The following CEP63 variants were observed in gnomAD, a reference collection of about 807,000 sequenced individuals.
The protein encoded by CEP63 is centrosomal protein of 63 kDa.
CEP63 carries 84 observed loss-of-function variants against 89.1 expected under a neutral mutation model. That is an observed-to-expected ratio of 0.94 (90% CI 0.79 to 1.13). The LOEUF (loss-of-function observed/expected upper bound fraction) is 1.13. Ranked by LOEUF, CEP63 falls within the 50% of genes most tolerant of loss-of-function variation. The probability of loss-of-function intolerance (pLI) is 0.00; values close to 1 mark genes in which losing one functional copy is unlikely to be tolerated. For synonymous variants in CEP63, 267 were observed against 272.5 expected (o/e 0.98, Z 0.20); for missense variants, 838 against 813.3 (o/e 1.03, Z -0.37).
chr3:134,751,728 G>C, the CEP63 span, among the ~76,000 whole-genome samples: 68 of 152,320 alleles, frequency 4.5e-4, no homozygotes, highest in South Asian at 5.2e-3. Context: ...GCTAGAGACC[G>C]AAGTGGCTCA....
intron 10 of CEP63, among the ~76,000 whole-genome samples, chr3:134,584,965 T>TTTTGTTTTG (rs764613716): frequency 0.68 from 92,164 of 134,792 alleles, 33,872 homozygotes; most frequent in East Asian, 0.84. Context: ...GGTTTTTTTT[T>TTTTGTTTTG]TTTTTTTTTG....
At chr3:134,685,986 C>A in the CEP63 span, among the ~76,000 whole-genome samples, 4 of 152,206 alleles carry the variant, frequency 2.6e-5, no homozygotes, top group African/African-American at 9.6e-5. Flanking sequence ...AATTCTCAAA[C>A]ACTGACTTGC....
At chr3:134,515,678 A>G (rs1024004458) in intron 3 of CEP63, among the ~76,000 whole-genome samples, 1 of 152,212 alleles carries the variant, frequency 6.6e-6, no homozygotes, top group Non-Finnish European at 1.5e-5. Flanking sequence ...TAGCTATTAA[A>G]TATAGGTCCT....
At chr3:134,758,552 G>T in the CEP63 span, among the ~76,000 whole-genome samples, 1 of 152,200 alleles carries the variant, frequency 6.6e-6, no homozygotes, top group Non-Finnish European at 1.5e-5. Flanking sequence ...AGAAACCTAA[G>T]TAAGGCCTAA....
At chr3:134,693,118 A>C in the CEP63 span, among the ~76,000 whole-genome samples, 1 of 152,180 alleles carries the variant, frequency 6.6e-6, no homozygotes, top group African/African-American at 2.4e-5. Flanking sequence ...GGTGTTTCCA[A>C]GCGTCCCTTG....
chr3:134,552,004 T>G lies in CEP63; in HGVS notation c.1459T>G (p.Leu487Val). The G allele has an allele frequency of 6.3e-7, 1 of 1,581,890 alleles. No individual in the cohort carries two copies. The highest frequency in any genetic ancestry group is 8.7e-7 in the Non-Finnish European group (1 of 1,153,232). Residue 487 changes from leucine to valine, a missense_variant, in exon 12 of 15, where the codon TTA becomes GTA. By Grantham distance (32) the Leu-to-Val change is conservative. Coordinates refer to ENST00000675561, the MANE Select transcript of CEP63 (RefSeq NM_001353108.3). Reference sequence around the variant, plus strand: ...AATGGTGATGAAATTGGAATTGGGTTTACATGAGGTACATAAATAGAAACT... The same window carrying G: ...AATGGTGATGAAATTGGAATTGGGTGTACATGAGGTACATAAATAGAAACT... ...SEMVMKLELG[L>V]HEAKEISLAD...
At chr3:134,707,874 A>G in the CEP63 span, among the ~76,000 whole-genome samples, 37 of 151,678 alleles carry the variant, frequency 2.4e-4, no homozygotes, top group Non-Finnish European at 4.0e-4. Context: ...GGTGAGCTCA[A>G]GTCTTCCCAA....
the CEP63 span, among the ~76,000 whole-genome samples, chr3:134,680,304 C>T: frequency 1.3e-5 from 2 of 152,206 alleles, no homozygotes; most frequent in Non-Finnish European, 2.9e-5. Context: ...TGTGACCATT[C>T]ACTTATGTTC....
At chr3:134,681,907 G>C in the CEP63 span, among the ~76,000 whole-genome samples, 1 of 152,206 alleles carries the variant, frequency 6.6e-6, no homozygotes, top group Admixed American at 6.5e-5. Flanking sequence ...AAGTCAACCA[G>C]CTAACAAACA....
chr3:134,677,782 A>G, the CEP63 span, among the ~76,000 whole-genome samples: 1 of 151,910 alleles, frequency 6.6e-6, no homozygotes, highest in African/African-American at 2.4e-5. Flanking sequence ...CTTGTTTGGA[A>G]GCACCCCCAT....
chr3:134,534,651 C>CT (rs1950440599), intron 5 of CEP63, among the ~76,000 whole-genome samples: 1 of 152,180 alleles, frequency 6.6e-6, no homozygotes, highest in South Asian at 2.1e-4. Flanking sequence ...TTAAGTCCAC[C>CT]TTTCTGCCCA....
the CEP63 span, among the ~76,000 whole-genome samples, chr3:134,719,160 C>A: frequency 0.93 from 142,099 of 152,186 alleles, 66,356 homozygotes; most frequent in East Asian, 1. Context: ...AGAAATGCAG[C>A]ATCTTTTTTT....
the CEP63 span, chr3:134,608,183 T>G: frequency 3.4e-5 from 39 of 1,162,620 alleles, no homozygotes; most frequent in South Asian, 6.2e-4. Context: ...CCAGCAGGAG[T>G]TGGGGAAGAG....
At chr3:134,513,616 G>A (rs920207520) in intron 3 of CEP63, among the ~76,000 whole-genome samples, 10 of 152,198 alleles carry the variant, frequency 6.6e-5, no homozygotes, top group Admixed American at 4.6e-4. Context: ...GAAGGCAGCC[G>A]AGAGGATAAA....
At chr3:134,521,446 TC>T (rs58378820) in intron 3 of CEP63, among the ~76,000 whole-genome samples, 151,818 of 152,320 alleles carry the variant, frequency 1, 75,663 homozygotes, top group Middle Eastern at 1. Flanking sequence ...TCTGGATTGT[TC>T]CCCCGTTGGG....
chr3:134,577,431 C>CTTTTTTTTTT (rs10662705), downstream of CEP63, among the ~76,000 whole-genome samples: 33 of 86,316 alleles, frequency 3.8e-4, no homozygotes, highest in Non-Finnish European at 4.4e-4. Flanking sequence ...TTCTAATCCA[C>CTTTTTTTTTT]TTTTTTTTTT....
At chr3:134,615,655 G>A in the CEP63 span, among the ~76,000 whole-genome samples, 4 of 150,600 alleles carry the variant, frequency 2.7e-5, no homozygotes, top group East Asian at 1.9e-4. Flanking sequence ...ATCCTTTGGT[G>A]TAGCTATAAG....
At chr3:134,688,799 T>C in the CEP63 span, among the ~76,000 whole-genome samples, 9 of 152,314 alleles carry the variant, frequency 5.9e-5, no homozygotes, top group African/African-American at 2.2e-4. Flanking sequence ...CATTTTGGCT[T>C]CCACAAATGT....
the CEP63 span, among the ~76,000 whole-genome samples, chr3:134,697,511 A>T: frequency 6.6e-6 from 1 of 152,142 alleles, no homozygotes; most frequent in East Asian, 1.9e-4. Context: ...AGGTATGGGG[A>T]GATGGAAGTG....
Sources: gnomAD v4.1 joint callset for allele counts (sites outside exome capture counted in the v4.1 genomes callset) on GRCh38, gnomAD v4.1.1 for gene constraint, MANE v1.5 for transcripts, NCBI Gene and HGNC (gene_info 2026-07-23, HGNC 2026-07-21) for gene names.